Variants in ACP2 observed in about 807,000 individuals in gnomAD.
ACP2 encodes lysosomal acid phosphatase.
In ACP2, 35 loss-of-function variants were observed where a neutral mutation model predicts 54.7. The ratio of observed to expected loss-of-function variants is 0.64; its 90% CI spans 0.49 to 0.85. The LOEUF is 0.85. Among genes scored for constraint, ACP2 ranks in the 40% least tolerant of loss-of-function variants. The pLI is 0.00. For missense variants in ACP2, 492 were observed against 565.0 expected (o/e 0.87, Z 1.31); for synonymous variants, 210 against 224.4 (o/e 0.94, Z 0.57).
intron 7 of ACP2, 30 bp downstream of exon 7, chr11:47,244,705 G>A (rs1462824908): frequency 6.4e-7 from 1 of 1,561,482 alleles, no homozygotes; most frequent in Non-Finnish European, 8.7e-7. Context: ...GTCCTGAGGA[G>A]TAGAGTGACA....
chr11:47,240,297 A>G (rs1349684367), intron 10 of ACP2, 48 bp from the exon 11 acceptor site: 2 of 940,690 alleles, frequency 2.1e-6, no homozygotes, highest in South Asian at 2.6e-5. Flanking sequence ...GTTCCATCAT[A>G]TGCCAGCTAC....
At position 47,240,260 on chromosome 11, in the gene ACP2, G is replaced by A. The variant is rs750652032; in HGVS notation, c.1139-11C>T. ...AGGCCACAATCACCTCTGGGCATGG[G>A]GGAGGCAAGAGAAAGGTCATGTCAG... On this transcript the variant is annotated splice_polypyrimidine_tract_variant and intron_variant, in intron 10 of 10. Transcript: ENST00000672073. The A allele has an allele frequency of 7.4e-6, 10 of 1,349,842 alleles. No homozygotes were observed. The Admixed American group carries it at 1.7e-4, about 23-fold the overall frequency. The allele number at this position is 1,349,842 out of a possible 1,614,324, so 83.6% of individuals were successfully genotyped here. A position where few individuals can be genotyped will look rare whatever the true frequency, so the allele number is the denominator to read the frequency against.
At chr11:47,240,955 A>T (rs74961003) in intron 10 of ACP2, among the ~76,000 whole-genome samples, 1,903 of 152,320 alleles carry the variant, frequency 0.012, 20 homozygotes, top group Non-Finnish European at 0.021. Flanking sequence ...AATGAATGAC[A>T]TACAACAATC....
Position 47,245,567 on chromosome 11 carries a change from C to T in ACP2, c.456G>A (p.Leu152=), listed in dbSNP as rs751221357. The T allele has an allele frequency of 6.2e-7, 1 of 1,614,244 alleles. No homozygotes were observed. Among genetic ancestry groups the T allele is most frequent in the South Asian group, 1.1e-5 (1 of 91,082 alleles). The change falls in exon 5 of 11, where the codon CTG becomes CTA. Residue 152 remains leucine, a synonymous_variant. Coordinates refer to ENST00000672073, the MANE Select transcript of ACP2 (RefSeq NM_001610.4). Reference sequence around the variant, plus strand: ...GGGGACATGGGCCCAACGGGAACTTCAGCAGCTGTAGAGCGAAGCGGGGAA... The same window carrying T: ...GGGGACATGGGCCCAACGGGAACTTTAGCAGCTGTAGAGCGAAGCGGGGAA... ...HTVPITEDRL[L]KFPLGPCPRY... is the part of the protein sequence containing the mutation.
rs1490289343 is a variant in ACP2, at chr11:47,245,827, A to G, written c.305T>C (p.Val102Ala). 6.3e-7 allele frequency: 1 copy of G among 1,575,160 alleles called. No individual in the cohort carries two copies. The highest frequency in any genetic ancestry group is 8.6e-7 in the Non-Finnish European group (1 of 1,159,346). The part of the protein sequence containing the change: ...NTSYHRQEVY[V>A]RSTDFDRTLM... ...AGTCCGGTCAAAGTCTGTGCTTCGC[A>G]CATAAACCTGCAGCGATAGCAACAC... The change falls in exon 4 of 11, where the codon GTG (valine) becomes GCG (alanine). Residue 102 changes from valine to alanine, a missense_variant. Val to Ala is a moderately conservative substitution (Grantham distance 64). Transcript: ENST00000672073.
chr11:47,247,863 A>G (rs939131323), intron 2 of ACP2, 136 bp from the exon 3 acceptor site: 9 of 978,406 alleles, frequency 9.2e-6, no homozygotes, highest in Admixed American at 5.4e-5. Context: ...TCTTTCATTA[A>G]GTGGCCAGTC....
chr11:47,242,038 TG>T (rs2135525949), intron 10 of ACP2, among the ~76,000 whole-genome samples: 1 of 152,314 alleles, frequency 6.6e-6, no homozygotes, highest in South Asian at 2.1e-4. Context: ...GGATGAGTCC[TG>T]GGTCATCCGT....
rs558198232 is a variant in ACP2 at position 47,241,115 on chromosome 11, A to T, written c.1139-866T>A. Among the ~76,000 whole-genome samples, 4 of 152,348 alleles carry T rather than the reference A, an allele frequency of 2.6e-5. No homozygotes were observed. The South Asian group carries it at 6.2e-4, about 24-fold the overall frequency. On this transcript the variant is annotated intron_variant, in intron 10 of 10. Coordinates refer to ENST00000672073, the MANE Select transcript of ACP2 (RefSeq NM_001610.4). The stretch of plus-strand genomic sequence containing the variant: ...GGAGATGGGGCAGGAGACCAGATGG[A>T]GTAGGGCCTAGAAGGCCATGGTGAA...
Position 47,240,101 on chromosome 11 carries a change from G to A in ACP2, c.*15C>T. 1.2e-6 allele frequency: 2 copies of A among 1,610,900 alleles called. No homozygotes were observed. Among genetic ancestry groups the A allele is most frequent in the Non-Finnish European group, 1.7e-6 (2 of 1,178,748 alleles). ...ACCTCCCCTAGGAGGTGGAGGGAAG[G>A]GGGCTGAGTGGTTGTCAGGCGTGGT... On this transcript the variant is annotated 3_prime_UTR_variant, in exon 11 of 11. Transcript: ENST00000672073.
In ACP2 at chr11:47,243,137, G is replaced by T; in HGVS notation, c.856-13C>A. ...GGGTAGTGTCGTGCTGCGGGGGAGAGGGGCTGCCCGTCAGCATTGTTCCCC... is the reference window on the plus strand; with the variant it reads ...GGGTAGTGTCGTGCTGCGGGGGAGATGGGCTGCCCGTCAGCATTGTTCCCC... On this transcript the variant is annotated splice_polypyrimidine_tract_variant and intron_variant, in intron 8 of 10. Coordinates refer to ENST00000672073, the MANE Select transcript of ACP2 (RefSeq NM_001610.4). 6.2e-7 allele frequency: 1 copy of T among 1,613,888 alleles called. No individual in the cohort carries two copies. Among genetic ancestry groups the T allele is most frequent in the Non-Finnish European group, 8.5e-7 (1 of 1,179,768 alleles).
intron 6 of ACP2, 79 bp downstream of exon 6, chr11:47,245,226 A>G: frequency 1.4e-6 from 2 of 1,452,628 alleles, no homozygotes; most frequent in South Asian, 2.3e-5. Flanking sequence ...GGTATCAGGC[A>G]CTGTGTTCTA....
intron 3 of ACP2, among the ~76,000 whole-genome samples, chr11:47,246,572 T>C (rs997405263): frequency 3.3e-5 from 5 of 151,850 alleles, no homozygotes; most frequent in Non-Finnish European, 1.5e-5. Flanking sequence ...GAGACCCCTT[T>C]AAAATATATG....
At chr11:47,246,039 C>A (rs866613906) in intron 3 of ACP2, among the ~76,000 whole-genome samples, 82 of 152,316 alleles carry the variant, frequency 5.4e-4, no homozygotes, top group African/African-American at 1.9e-3. Flanking sequence ...GGCCCTCACC[C>A]TCCTCTGGCC....
chr11:47,243,884 C>T (rs1953960860), intron 7 of ACP2, among the ~76,000 whole-genome samples: 2 of 152,086 alleles, frequency 1.3e-5, no homozygotes, highest in Admixed American at 1.3e-4. Context: ...TGTGTGTAAT[C>T]CCAGCACTTT....
chr11:47,242,960 C>A, intron 9 of ACP2, 58 bp downstream of exon 9: 1 of 1,611,512 alleles, frequency 6.2e-7, no homozygotes, highest in South Asian at 1.1e-5. Flanking sequence ...GGTCCTTGGG[C>A]TGCCCCGAGC....
In ACP2 at chr11:47,248,751, G is replaced by A; in HGVS notation, c.39C>T (p.Leu13=). Residue 13 remains leucine, a synonymous_variant, in exon 1 of 11, where the codon CTC becomes CTT. Transcript: ENST00000672073. Reference sequence around the variant, plus strand: ...GGTTCACGCCGAGAAGGAGCTGGAGGAGAGCCGCCCGGCTCCAGCCGGACC... The same window carrying A: ...GGTTCACGCCGAGAAGGAGCTGGAGAAGAGCCGCCCGGCTCCAGCCGGACC... ...GKRSGWSRAA[L]LQLLLGVNLV... 6.2e-7 allele frequency: 1 copy of A among 1,607,158 alleles called. No individual in the cohort carries two copies. Among genetic ancestry groups the A allele is most frequent in the South Asian group, 1.1e-5 (1 of 89,624 alleles).
intron 1 of ACP2, 194 bp from the exon 2 acceptor site, chr11:47,248,327 TG>T: frequency 9.1e-7 from 1 of 1,097,322 alleles, no homozygotes; most frequent in Non-Finnish European, 1.3e-6. Flanking sequence ...GCAATGCTAC[TG>T]GAGACCATAG....
In ACP2 at chr11:47,243,324, G is replaced by C. The variant is rs111618196; in HGVS notation, c.773-3C>G. The C allele has an allele frequency of 5.0e-6, 8 of 1,614,000 alleles. No individual in the cohort carries two copies. Among genetic ancestry groups the C allele is most frequent in the Non-Finnish European group, 6.8e-6 (8 of 1,179,878 alleles). On this transcript the variant is annotated splice_polypyrimidine_tract_variant and splice_region_variant and intron_variant, in intron 7 of 10. Transcript: ENST00000672073. ...CCTTATCTGAGCCAGCAGGACTCCT[G>C]AAGGAGAAAAGTCCCCGGTGTTGCT...
Position 47,245,537 on chromosome 11 carries a change from A to T in ACP2, c.486T>A (p.Tyr162Ter), listed in dbSNP as rs760789795. 6.2e-7 allele frequency: 1 copy of T among 1,614,122 alleles called. No homozygotes were observed. The highest frequency in any genetic ancestry group is 1.1e-5 in the South Asian group (1 of 91,094). Residue 162 changes from tyrosine to a stop codon, truncating the protein, a stop_gained, in exon 5 of 11, where the codon TAT becomes TAA. Coordinates refer to ENST00000672073, the MANE Select transcript of ACP2 (RefSeq NM_001610.4). LOFTEE classifies it high-confidence loss of function. ...GCCGGGTCTCGTTCTGCAGCTGCTC[A>T]TAACGGGGACATGGGCCCAACGGGA... ...LKFPLGPCPR[Y>*]EQLQNETRQT...
Sources: allele counts gnomAD v4.1 joint callset (sites outside exome capture counted in the v4.1 genomes callset), GRCh38; gene constraint gnomAD v4.1.1; transcripts MANE v1.5; gene names NCBI Gene and HGNC (gene_info 2026-07-23, HGNC 2026-07-21).